The following RBFOX1 variants were observed in gnomAD, a reference collection of about 807,000 sequenced individuals.
The protein encoded by RBFOX1 is RNA binding protein fox-1 homolog 1.
A neutral mutation model predicts 57.7 loss-of-function variants in RBFOX1; 8 were observed. The observed-to-expected ratio is 0.14, with a 90% CI of 0.08 to 0.25. The LOEUF (loss-of-function observed/expected upper bound fraction) is 0.25, where lower values mean the gene tolerates loss of function less well. Among genes scored for constraint, RBFOX1 ranks in the 10% least tolerant of loss-of-function variants. The pLI, the probability that RBFOX1 is intolerant of heterozygous loss-of-function variation, is 1.00. For missense variants in RBFOX1, 611 were observed against 548.5 expected (o/e 1.11, Z -1.14); for synonymous variants, 326 against 222.4 (o/e 1.47, Z -4.15).
chr16:7,070,204 T>A (rs1399497604), intron 4 of RBFOX1, among the ~76,000 whole-genome samples: 1 of 152,226 alleles, frequency 6.6e-6, no homozygotes, highest in African/African-American at 2.4e-5. Flanking sequence ...CACGAGGTTT[T>A]GATGGCACAG....
chr16:5,405,375 G>A (rs774202348), intron 1 of RBFOX1, among the ~76,000 whole-genome samples: 3 of 152,154 alleles, frequency 2.0e-5, no homozygotes, highest in East Asian at 1.9e-4. Context: ...CATGTGATCC[G>A]ATGATTTTAT....
chr16:6,156,875 C>T (rs543878445), intron 1 of RBFOX1, among the ~76,000 whole-genome samples: 4 of 152,258 alleles, frequency 2.6e-5, no homozygotes, highest in African/African-American at 4.8e-5. Flanking sequence ...GGTCTTCTTA[C>T]GTCACCCAGA....
At chr16:6,768,695 C>G (rs1381116795) in intron 3 of RBFOX1, among the ~76,000 whole-genome samples, 1 of 147,194 alleles carries the variant, frequency 6.8e-6, no homozygotes, top group Non-Finnish European at 1.5e-5. Flanking sequence ...ATATATGTAC[C>G]TATATATATA....
chr16:7,043,390 G>A (rs996892049), intron 3 of RBFOX1, among the ~76,000 whole-genome samples: 1 of 151,988 alleles, frequency 6.6e-6, no homozygotes. Context: ...CATTAGCACA[G>A]CGCTAGGCAG....
At chr16:5,956,658 T>A (rs867226224) in intron 4 of RBFOX1, among the ~76,000 whole-genome samples, 54 of 101,968 alleles carry the variant, frequency 5.3e-4, no homozygotes, top group East Asian at 1.7e-3. Context: ...ATATATATAT[T>A]TATATATATA....
intron 4 of RBFOX1, among the ~76,000 whole-genome samples, chr16:7,259,328 A>T (rs1037853144): frequency 2.6e-5 from 4 of 152,178 alleles, no homozygotes; most frequent in Admixed American, 2.6e-4. Context: ...AGGCACACAC[A>T]TGCAAATTAT....
chr16:6,500,830 C>G (rs1231976591), intron 2 of RBFOX1, among the ~76,000 whole-genome samples: 2 of 148,860 alleles, frequency 1.3e-5, no homozygotes, highest in East Asian at 2.0e-4. Context: ...TAAAGTTGAC[C>G]TTGTCCATTA....
At position 7,711,652 on chromosome 16, in the gene RBFOX1, C is replaced by G. The variant is rs2084018313; in HGVS notation, c.*907C>G. On this transcript the variant is annotated 3_prime_UTR_variant, in exon 16 of 16. Transcript: ENST00000550418. ...TAATAAAAACTTAAATTCTTTGTACCAGTTAAAAAAAATGTATAAAATTTA... is the reference window on the plus strand; with the variant it reads ...TAATAAAAACTTAAATTCTTTGTACGAGTTAAAAAAAATGTATAAAATTTA... The G allele has an allele frequency of 6.6e-6, 1 of 151,566 alleles. No homozygotes were observed. 9.4% of individuals were successfully genotyped at this position (151,566 alleles called of 1,614,324 possible). A position where few individuals can be genotyped will look rare whatever the true frequency, so the allele number is the denominator to read the frequency against.
At chr16:6,305,071 C>A (rs1199351595) in intron 1 of RBFOX1, among the ~76,000 whole-genome samples, 2 of 152,088 alleles carry the variant, frequency 1.3e-5, no homozygotes, top group East Asian at 3.9e-4. Context: ...CTAATCACAG[C>A]CCCATGGCAC....
At chr16:7,211,285 G>T (rs1272002420) in intron 4 of RBFOX1, among the ~76,000 whole-genome samples, 1 of 151,402 alleles carries the variant, frequency 6.6e-6, no homozygotes, top group African/African-American at 2.4e-5. Context: ...CCAGCTTCTC[G>T]GGAGGCTGAG....
intron 3 of RBFOX1, among the ~76,000 whole-genome samples, chr16:6,850,597 C>T (rs138398790): frequency 1.1e-4 from 17 of 152,304 alleles, no homozygotes; most frequent in East Asian, 7.7e-4. Flanking sequence ...AATTAAAGCA[C>T]TTCTTCCCAT....
chr16:6,579,117 T>G (rs546739268), intron 2 of RBFOX1, among the ~76,000 whole-genome samples: 1 of 152,256 alleles, frequency 6.6e-6, no homozygotes, highest in Non-Finnish European at 1.5e-5. Flanking sequence ...TGTTTTCTTC[T>G]ATTTTGGTTC....
Position 5,726,556 on chromosome 16 carries a change from C to T in RBFOX1, c.318+127595C>T, listed in dbSNP as rs550910640. Among the ~76,000 whole-genome samples, 44 of 152,288 alleles carry T rather than the reference C, an allele frequency of 2.9e-4. No individual in the cohort carries two copies. In the South Asian group the frequency reaches 7.0e-3, roughly 24 times the overall value. On this transcript the variant is annotated intron_variant, in intron 3 of 19. Transcript: ENST00000641259. ...AGGTCAGCCAGGGGCAAATCCTTGTCCATAGCCTGGAGTCCAGGGAAGCAG... is the reference window on the plus strand; with the variant it reads ...AGGTCAGCCAGGGGCAAATCCTTGTTCATAGCCTGGAGTCCAGGGAAGCAG...
In RBFOX1 at chr16:6,579,108, G is replaced by T. The variant is rs1024266670; in HGVS notation, c.-63-75495G>T. Among the ~76,000 whole-genome samples, 3 of 152,156 alleles carry T rather than the reference G, an allele frequency of 2.0e-5. No individual in the cohort carries two copies. In the East Asian group the frequency reaches 5.8e-4, roughly 29 times the overall value. ...AATGAGGCTACTGAAATGATGTTAT[G>T]TTTTCTTCTATTTTGGTTCTACCTA... is the stretch of plus-strand genomic sequence containing the variant. On this transcript the variant is annotated intron_variant, in intron 2 of 15. Transcript: ENST00000550418.
chr16:6,780,479 T>A (rs1245795423), intron 3 of RBFOX1, among the ~76,000 whole-genome samples: 1 of 98,040 alleles, frequency 1.0e-5, no homozygotes, highest in African/African-American at 4.0e-5. Context: ...TATACATTTT[T>A]ATATATATTT....
intron 4 of RBFOX1, among the ~76,000 whole-genome samples, chr16:7,316,987 A>ACACACACACAC (rs1568178930): frequency 1.3e-4 from 6 of 45,916 alleles, no homozygotes; most frequent in Admixed American, 2.4e-4. Flanking sequence ...CACACACACA[A>ACACACACACAC]ACACACACAC....
At chr16:6,532,269 C>T (rs1224575935) in intron 2 of RBFOX1, among the ~76,000 whole-genome samples, 1 of 152,146 alleles carries the variant, frequency 6.6e-6, no homozygotes. Flanking sequence ...GGAGCTGTAA[C>T]TTCTCTTGGG....
chr16:5,798,529 T>A (rs2054952945), intron 3 of RBFOX1, among the ~76,000 whole-genome samples: 1 of 152,120 alleles, frequency 6.6e-6, no homozygotes, highest in South Asian at 2.1e-4. Flanking sequence ...TGGTAGAACT[T>A]TAAACAGTTG....
intron 2 of RBFOX1, among the ~76,000 whole-genome samples, chr16:6,465,018 G>T (rs2095011704): frequency 6.6e-6 from 1 of 152,162 alleles, no homozygotes; most frequent in Non-Finnish European, 1.5e-5. Flanking sequence ...AATAAACACA[G>T]TTTCTCATAT....
Sources: allele counts gnomAD v4.1 joint callset (sites outside exome capture counted in the v4.1 genomes callset), GRCh38; gene constraint gnomAD v4.1.1; transcripts MANE v1.5; gene names NCBI Gene and HGNC (gene_info 2026-07-23, HGNC 2026-07-21).